SLIT2: variants seen among roughly 807,000 people sequenced by gnomAD.
The protein encoded by SLIT2 is slit homolog 2 protein.
A neutral mutation model predicts 185.7 loss-of-function variants in SLIT2; 41 were observed. That is an observed-to-expected ratio of 0.22 (90% confidence interval 0.17 to 0.29). SLIT2 has a LOEUF of 0.29. Among genes scored for constraint, SLIT2 ranks in the 10% least tolerant of loss-of-function variants. The pLI, the probability that SLIT2 is intolerant of heterozygous loss-of-function variation, is 1.00. For synonymous variants in SLIT2, 693 were observed against 680.2 expected, an observed-to-expected ratio of 1.02 and a Z score of -0.29; for missense variants, 1,571 against 1,909.0, an observed-to-expected ratio of 0.82 and a Z score of 3.30.
intron 11 of SLIT2, among the ~76,000 whole-genome samples, chr4:20,515,761 CATCTT>C (rs1720148529): frequency 6.6e-6 from 1 of 152,022 alleles, no homozygotes; most frequent in Non-Finnish European, 1.5e-5. Context: ...TCATGATAGT[CATCTT>C]ATAGGTTGCT....
At chr4:20,428,734 T>G (rs1432897540) in intron 4 of SLIT2, among the ~76,000 whole-genome samples, 1 of 152,220 alleles carries the variant, frequency 6.6e-6, no homozygotes, top group Non-Finnish European at 1.5e-5. Flanking sequence ...TGTAGTATTC[T>G]GCATCGTTTT....
chr4:20,609,231 A>T (rs562964745), intron 33 of SLIT2, among the ~76,000 whole-genome samples: 38 of 152,212 alleles, frequency 2.5e-4, no homozygotes, highest in African/African-American at 9.1e-4. Flanking sequence ...TATTCACTTC[A>T]TCAATTTCTA....
chr4:20,358,069 G>A (rs138317395), intron 4 of SLIT2, among the ~76,000 whole-genome samples: 8 of 151,908 alleles, frequency 5.3e-5, no homozygotes, highest in Non-Finnish European at 8.8e-5. Flanking sequence ...GTTGGATGAC[G>A]GTATGTATTA....
intron 4 of SLIT2, among the ~76,000 whole-genome samples, chr4:20,276,128 A>C (rs749890678): frequency 6.6e-6 from 1 of 152,156 alleles, no homozygotes; most frequent in African/African-American, 2.4e-5. Flanking sequence ...TTAGACTACT[A>C]ATTATGTCAA....
Position 20,306,923 on chromosome 4 carries a change from A to G in SLIT2, c.395+38042A>G, listed in dbSNP as rs368145693. Among the ~76,000 whole-genome samples, 6 of 152,128 alleles carry G rather than the reference A, an allele frequency of 3.9e-5. No individual in the cohort carries two copies. In the East Asian group the frequency reaches 9.6e-4, roughly 24 times the overall value. ...TTAATTTTCTATCTTAAAAAAATAT[A>G]TATAAATAAAATTTGTATTTTTCTT... On this transcript the variant is annotated intron_variant, in intron 4 of 36. Coordinates refer to ENST00000504154, the MANE Select transcript of SLIT2 (RefSeq NM_004787.4).
At chr4:20,268,319 T>C (rs1157301886) in intron 3 of SLIT2, among the ~76,000 whole-genome samples, 2 of 151,692 alleles carry the variant, frequency 1.3e-5, no homozygotes, top group African/African-American at 4.8e-5. Flanking sequence ...GGACAAATCA[T>C]GCTGACAATT....
chr4:20,618,926 T>A lies in SLIT2; in HGVS notation c.4507T>A (p.Ser1503Thr). 7 of 1,614,096 alleles carry A rather than the reference T, an allele frequency of 4.3e-6. No individual in the cohort carries two copies. The highest frequency in any genetic ancestry group is 5.9e-6 in the Non-Finnish European group (7 of 1,180,018). ...GCTGAGGAGCAAGCGGCGGAAATAC[T>A]CTTTCGAATGCACTGACGGCTCCTC... ...GPLRSKRRKY[S>T]FECTDGSSFV... The change falls in exon 37 of 37, where the codon TCT becomes ACT. Residue 1503 changes from serine (S) to threonine (T), a missense_variant. By Grantham distance (58) the Ser-to-Thr change is moderately conservative. Transcript: ENST00000504154.
intron 4 of SLIT2, among the ~76,000 whole-genome samples, chr4:20,448,176 A>G (rs1459351586): frequency 1.3e-5 from 2 of 152,214 alleles, no homozygotes; most frequent in African/African-American, 4.8e-5. Flanking sequence ...ATATTAACTC[A>G]TACTGATATG....
chr4:20,418,888 G>C (rs979429726), intron 4 of SLIT2, among the ~76,000 whole-genome samples: 3 of 152,122 alleles, frequency 2.0e-5, no homozygotes, highest in South Asian at 4.1e-4. Context: ...TTGCTTTCCA[G>C]CATATTAACT....
At chr4:20,310,520 T>C (rs898869287) in intron 4 of SLIT2, among the ~76,000 whole-genome samples, 2 of 152,140 alleles carry the variant, frequency 1.3e-5, no homozygotes, top group Admixed American at 6.5e-5. Context: ...CTGACAACTT[T>C]CCCTCTTAAG....
At chr4:20,547,657 ATATT>A (rs1447031223) in intron 22 of SLIT2, among the ~76,000 whole-genome samples, 1 of 151,046 alleles carries the variant, frequency 6.6e-6, no homozygotes, top group Non-Finnish European at 1.5e-5. Context: ...ATTAGTGAAT[ATATT>A]TAGTTATTAT....
At chr4:20,483,184 G>A (rs184820737) in intron 6 of SLIT2, among the ~76,000 whole-genome samples, 53 of 152,100 alleles carry the variant, frequency 3.5e-4, no homozygotes, top group Admixed American at 1.8e-3. Context: ...TGAGCCATTT[G>A]TGAATGTATG....
chr4:20,293,153 A>G lies in SLIT2; in HGVS notation c.395+24272A>G, dbSNP rs16869511. On this transcript the variant is annotated intron_variant, in intron 4 of 36. Coordinates refer to ENST00000504154, the MANE Select transcript of SLIT2 (RefSeq NM_004787.4). ...GGGAAAAAGTTCATAAGTTTGCAGTATTAGGTTAAGGAAGGAAAGTCCATT... is the reference window on the plus strand; with the variant it reads ...GGGAAAAAGTTCATAAGTTTGCAGTGTTAGGTTAAGGAAGGAAAGTCCATT... Among the ~76,000 whole-genome samples the G allele has an allele frequency of 5.9e-3, 897 of 152,342 alleles. 13 individuals are homozygous for G. The highest frequency in any genetic ancestry group is 0.021 in the African/African-American group (857 of 41,572).
chr4:20,324,772 A>G (rs1328146646), intron 4 of SLIT2, among the ~76,000 whole-genome samples: 1 of 152,176 alleles, frequency 6.6e-6, no homozygotes, highest in Non-Finnish European at 1.5e-5. Flanking sequence ...AAGGACACAA[A>G]GGAACTGTTG....
chr4:20,258,264 T>G (rs1712069876), intron 3 of SLIT2, among the ~76,000 whole-genome samples: 1 of 151,840 alleles, frequency 6.6e-6, no homozygotes, highest in Non-Finnish European at 1.5e-5. Context: ...AGAAAGGTGG[T>G]ACTTTTATTT....
rs139595582 is a variant in SLIT2, at chr4:20,272,035, A to G, written c.395+3154A>G. ...TCTTTGGACGGGTTGAGAGAGCACTACATGTTCAGGTCAAGATGTTTGCTC... is the reference window on the plus strand; with the variant it reads ...TCTTTGGACGGGTTGAGAGAGCACTGCATGTTCAGGTCAAGATGTTTGCTC... On this transcript the variant is annotated intron_variant, in intron 4 of 36. Transcript: ENST00000504154. Among the ~76,000 whole-genome samples the G allele has an allele frequency of 1.3e-4, 20 of 152,226 alleles. No individual in the cohort carries two copies. The East Asian group carries it at 3.9e-3, about 29-fold the overall frequency.
At chr4:20,375,733 A>G (rs1723959587) in intron 4 of SLIT2, among the ~76,000 whole-genome samples, 1 of 152,038 alleles carries the variant, frequency 6.6e-6, no homozygotes, top group African/African-American at 2.4e-5. Flanking sequence ...ACATCTGCGT[A>G]TGAACCCATC....
At chr4:20,496,605 C>T (rs182444221) in intron 9 of SLIT2, among the ~76,000 whole-genome samples, 3 of 152,136 alleles carry the variant, frequency 2.0e-5, no homozygotes, top group African/African-American at 7.2e-5. Flanking sequence ...TTTGACTGTC[C>T]CTAATTATCG....
rs747947724 is a variant in SLIT2 at position 20,617,442 on chromosome 4, C to T, written c.4140C>T (p.Cys1380=). Residue 1380 remains cysteine, a synonymous_variant, in exon 36 of 37, where the codon TGC becomes TGT. Transcript: ENST00000504154. Reference sequence around the variant, plus strand: ...CCTGTGTTCCTCCTCCCTGTAGATGCGTACATGGCACCTGCTTGCCCATCA... The same window carrying T: ...CCTGTGTTCCTCCTCCCTGTAGATGTGTACATGGCACCTGCTTGCCCATCA... ...RTNDPCLGNK[C]VHGTCLPINA... is the part of the protein sequence containing the mutation. The T allele has an allele frequency of 5.0e-5, 80 of 1,613,464 alleles. No individual in the cohort carries two copies. The highest frequency in any genetic ancestry group is 6.7e-5 in the Admixed American group (4 of 59,986).
Sources: allele counts gnomAD v4.1 joint callset (sites outside exome capture counted in the v4.1 genomes callset), GRCh38; gene constraint gnomAD v4.1.1; transcripts MANE v1.5; gene names NCBI Gene and HGNC (gene_info 2026-07-23, HGNC 2026-07-21).